The following LHFPL3 variants were observed in gnomAD, a reference collection of about 807,000 sequenced individuals.
The protein encoded by LHFPL3 is LHFPL tetraspan subfamily member 3.
Under a neutral mutation model 19.3 loss-of-function variants are expected in LHFPL3, and 5 were observed. The observed-to-expected ratio is 0.26, with a 90% confidence interval of 0.14 to 0.54. The LOEUF is 0.54. Among genes scored for constraint, LHFPL3 ranks in the 20% least tolerant of loss-of-function variants. The pLI, the probability that LHFPL3 is intolerant of heterozygous loss-of-function variation, is 0.94. For missense variants in LHFPL3, 249 were observed against 307.4 expected (o/e 0.81, Z 1.42); for synonymous variants, 133 against 126.2 (o/e 1.05, Z -0.36).
At chr7:104,641,986 C>A (rs1490379033) in intron 1 of LHFPL3, among the ~76,000 whole-genome samples, 1 of 151,190 alleles carries the variant, frequency 6.6e-6, no homozygotes, top group Non-Finnish European at 1.5e-5. Flanking sequence ...GTTTTATGCC[C>A]AGACATAACA....
At chr7:104,587,309 C>T (rs1790600862) in intron 1 of LHFPL3, among the ~76,000 whole-genome samples, 1 of 152,098 alleles carries the variant, frequency 6.6e-6, no homozygotes, top group African/African-American at 2.4e-5. Flanking sequence ...GTGATGTTCC[C>T]CACCCTGTGT....
intron 1 of LHFPL3, among the ~76,000 whole-genome samples, chr7:104,437,953 A>T (rs1792143761): frequency 6.6e-6 from 1 of 152,204 alleles, no homozygotes; most frequent in Admixed American, 6.5e-5. Flanking sequence ...CTAAACCTTT[A>T]ATCATGGTTT....
chr7:104,452,681 C>G (rs1228279672), intron 1 of LHFPL3, among the ~76,000 whole-genome samples: 1 of 151,758 alleles, frequency 6.6e-6, no homozygotes, highest in Non-Finnish European at 1.5e-5. Flanking sequence ...TTATGTGTGT[C>G]TTTTTGTGAA....
intron 1 of LHFPL3, among the ~76,000 whole-genome samples, chr7:104,474,131 C>T (rs187197870): frequency 2.0e-5 from 3 of 152,134 alleles, no homozygotes; most frequent in Non-Finnish European, 4.4e-5. Context: ...ATTCAAAGAC[C>T]TCCTGCTTCT....
chr7:104,590,932 C>A (rs956877462), intron 1 of LHFPL3, among the ~76,000 whole-genome samples: 3 of 152,128 alleles, frequency 2.0e-5, no homozygotes, highest in African/African-American at 7.2e-5. Context: ...ACTAGGATTG[C>A]AACACCTGCT....
intron 1 of LHFPL3, among the ~76,000 whole-genome samples, chr7:104,675,279 T>C (rs77049007): frequency 0.032 from 4,882 of 152,296 alleles, 271 homozygotes; most frequent in African/African-American, 0.11. Context: ...GTACTGAGTG[T>C]CTGCAAAATA....
chr7:104,455,302 CAATT>C (rs1392573397), intron 1 of LHFPL3, among the ~76,000 whole-genome samples: 18 of 152,154 alleles, frequency 1.2e-4, no homozygotes, highest in Admixed American at 6.5e-4. Context: ...AGTTGATTCA[CAATT>C]AATTGAAAAA....
intron 1 of LHFPL3, among the ~76,000 whole-genome samples, chr7:104,658,080 A>G (rs1352560241): frequency 6.6e-6 from 1 of 152,276 alleles, no homozygotes; most frequent in African/African-American, 2.4e-5. Context: ...CATAATTTCA[A>G]GTAAAATTAT....
At chr7:104,338,481 G>A (rs755230531) in intron 1 of LHFPL3, among the ~76,000 whole-genome samples, 1 of 152,104 alleles carries the variant, frequency 6.6e-6, no homozygotes, top group Non-Finnish European at 1.5e-5. Context: ...ATGTATTACT[G>A]TAGGCTGTAG....
intron 1 of LHFPL3, among the ~76,000 whole-genome samples, chr7:104,478,210 A>G (rs1793062919): frequency 6.6e-6 from 1 of 152,156 alleles, no homozygotes; most frequent in South Asian, 2.1e-4. Flanking sequence ...AAACCCTTTT[A>G]TGAGTCTCCG....
At chr7:104,571,783 C>G (rs1017158662) in intron 1 of LHFPL3, among the ~76,000 whole-genome samples, 1 of 152,196 alleles carries the variant, frequency 6.6e-6, no homozygotes, top group African/African-American at 2.4e-5. Flanking sequence ...GCTAAACCTT[C>G]TCACTATTTT....
At chr7:104,779,344 C>T (rs554815261) in intron 2 of LHFPL3, among the ~76,000 whole-genome samples, 4 of 152,332 alleles carry the variant, frequency 2.6e-5, no homozygotes, top group Non-Finnish European at 5.9e-5. Flanking sequence ...AGACTTCAAG[C>T]TCCTGAGGGC....
chr7:104,677,813 G>A (rs1237200210), intron 1 of LHFPL3, among the ~76,000 whole-genome samples: 6 of 152,176 alleles, frequency 3.9e-5, no homozygotes, highest in Admixed American at 1.3e-4. Context: ...TTGCAGATTA[G>A]CACGTGTCCC....
intron 1 of LHFPL3, among the ~76,000 whole-genome samples, chr7:104,503,124 A>G (rs887758028): frequency 1.1e-4 from 17 of 152,130 alleles, no homozygotes; most frequent in African/African-American, 3.9e-4. Context: ...AAAAACTAGT[A>G]ACAACCAAAA....
At chr7:104,518,797 TGATAGATA>T (rs56373754) in intron 1 of LHFPL3, among the ~76,000 whole-genome samples, 5,894 of 138,592 alleles carry the variant, frequency 0.043, 140 homozygotes, top group South Asian at 0.065. Flanking sequence ...AATAAATAGA[TGATAGATA>T]GATAGATAGA....
intron 1 of LHFPL3, among the ~76,000 whole-genome samples, chr7:104,622,530 CACT>C (rs778449677): frequency 7.2e-5 from 11 of 152,092 alleles, no homozygotes; most frequent in Non-Finnish European, 1.5e-4. Flanking sequence ...GTACAATCAC[CACT>C]ACAATTGGTT....
chr7:104,430,419 C>CATATATATATATGTATAT (rs1791959935), intron 1 of LHFPL3, among the ~76,000 whole-genome samples: 1 of 14,662 alleles, frequency 6.8e-5, no homozygotes, highest in Non-Finnish European at 1.4e-4. Flanking sequence ...TATATATATA[C>CATATATATATATGTATAT]ATATATATAT....
At chr7:104,696,445 GGTGTGTGTGT>G (rs5886329) in intron 1 of LHFPL3, among the ~76,000 whole-genome samples, 4 of 150,054 alleles carry the variant, frequency 2.7e-5, no homozygotes, top group African/African-American at 4.9e-5. Context: ...AGTGTTACTA[GGTGTGTGTGT>G]GTGTGTGTGT....
chr7:104,370,604 C>T (rs763021659), intron 1 of LHFPL3, among the ~76,000 whole-genome samples: 3 of 152,148 alleles, frequency 2.0e-5, no homozygotes, highest in African/African-American at 7.2e-5. Flanking sequence ...AGGATAGGGC[C>T]GGATGTGGTG....
Sources: gnomAD v4.1 joint callset for allele counts (sites outside exome capture counted in the v4.1 genomes callset) on GRCh38, gnomAD v4.1.1 for gene constraint, MANE v1.5 for transcripts, NCBI Gene and HGNC (gene_info 2026-07-23, HGNC 2026-07-21) for gene names.